Variants in ZNF385D observed in about 807,000 individuals in gnomAD.
ZNF385D encodes zinc finger protein 385D, also known as zinc finger protein 659.
Under a neutral mutation model 35.8 loss-of-function variants are expected in ZNF385D, and 15 were observed. That is an observed-to-expected ratio of 0.42 (90% CI 0.28 to 0.64). The LOEUF (loss-of-function observed/expected upper bound fraction) is 0.64. ZNF385D is among the 30% of genes least tolerant of loss of function. ZNF385D has a pLI of 0.23. For missense variants in ZNF385D, 474 were observed against 494.6 expected, an observed-to-expected ratio of 0.96 and a Z score of 0.39; for synonymous variants, 212 against 186.8, an observed-to-expected ratio of 1.13 and a Z score of -1.10.
chr3:22,219,317 G>A (rs1398259653), intron 2 of ZNF385D, among the ~76,000 whole-genome samples: 1 of 151,918 alleles, frequency 6.6e-6, no homozygotes, highest in African/African-American at 2.4e-5. Flanking sequence ...CCCCAACCCT[G>A]TTCTATGTAT....
In ZNF385D at chr3:21,696,508, T is replaced by C. The variant is rs531719468; in HGVS notation, c.23-31480A>G. ...TCATGTAGAAGCTGGCCCATATGAG[T>C]GAAACCCAGGCAGTAAATTCAGCTA... On this transcript the variant is annotated intron_variant, in intron 1 of 7. Transcript: ENST00000281523. 1.4e-4 allele frequency among the ~76,000 whole-genome samples: 21 copies of C among 152,262 alleles called. No individual in the cohort carries two copies. The South Asian group carries it at 3.9e-3, about 29-fold the overall frequency.
At chr3:21,991,679 G>A (rs1272672599) in intron 3 of ZNF385D, among the ~76,000 whole-genome samples, 1 of 152,084 alleles carries the variant, frequency 6.6e-6, no homozygotes, top group Admixed American at 6.6e-5. Context: ...TAAGAGCCTA[G>A]GAGGTAAAGG....
In ZNF385D at chr3:21,954,497, A is replaced by T. The variant is rs530245851; in HGVS notation, c.325+214320T>A. Among the ~76,000 whole-genome samples, 83 of 151,946 alleles carry T rather than the reference A, an allele frequency of 5.5e-4. 1 individual carries two copies. The highest frequency in any genetic ancestry group is 1.1e-3 in the Non-Finnish European group (72 of 67,980). On this transcript the variant is annotated intron_variant, in intron 3 of 5. Transcript: ENST00000494108. ...AACCTGGAGGTTTCTAAACTTTCTCATTTTGCAGCAATTTTAGTGTCTTAG... is the reference window on the plus strand; with the variant it reads ...AACCTGGAGGTTTCTAAACTTTCTCTTTTTGCAGCAATTTTAGTGTCTTAG...
At chr3:21,991,477 G>C (rs1005812468) in intron 3 of ZNF385D, among the ~76,000 whole-genome samples, 12 of 152,088 alleles carry the variant, frequency 7.9e-5, no homozygotes, top group African/African-American at 2.9e-4. Flanking sequence ...ATAAAACTGT[G>C]GTAATTATGC....
At chr3:21,738,195 C>T (rs2069340130) in intron 1 of ZNF385D, among the ~76,000 whole-genome samples, 2 of 152,166 alleles carry the variant, frequency 1.3e-5, no homozygotes, top group Non-Finnish European at 2.9e-5. Flanking sequence ...ACAACTGCTG[C>T]TCTATTGGAA....
chr3:22,221,983 C>T (rs147218137), intron 2 of ZNF385D, among the ~76,000 whole-genome samples: 133 of 151,766 alleles, frequency 8.8e-4, no homozygotes, highest in Middle Eastern at 3.4e-3. Context: ...TTAACCATTC[C>T]GATTTTTTTT....
chr3:21,765,216 G>C (rs1340863851), intron 3 of ZNF385D, among the ~76,000 whole-genome samples: 1 of 150,164 alleles, frequency 6.7e-6, no homozygotes, highest in Admixed American at 6.6e-5. Context: ...GTGTGTGTGT[G>C]TGAGAGAGAG....
chr3:21,567,215 G>T (rs2063179526), intron 2 of ZNF385D, among the ~76,000 whole-genome samples: 1 of 152,106 alleles, frequency 6.6e-6, no homozygotes, highest in African/African-American at 2.4e-5. Context: ...AATCAGTTAA[G>T]TGTCTTAATC....
intron 3 of ZNF385D, 35 bp downstream of exon 3, chr3:21,564,535 ATTTT>A: frequency 1.8e-6 from 2 of 1,130,026 alleles, no homozygotes; most frequent in Non-Finnish European, 2.4e-6. Context: ...AGCAAAATGT[ATTTT>A]TTTTTTTTAA....
chr3:22,070,157 T>G (rs1242350068), intron 3 of ZNF385D, among the ~76,000 whole-genome samples: 2 of 152,170 alleles, frequency 1.3e-5, no homozygotes, highest in African/African-American at 2.4e-5. Context: ...GATAAGCATC[T>G]TATTTTCTAA....
chr3:21,808,146 G>C (rs2072738051), intron 3 of ZNF385D, among the ~76,000 whole-genome samples: 1 of 152,074 alleles, frequency 6.6e-6, no homozygotes, highest in South Asian at 2.1e-4. Context: ...AGTGACACAG[G>C]ATAAGAAAAT....
intron 2 of ZNF385D, among the ~76,000 whole-genome samples, chr3:22,241,106 C>G (rs559598793): frequency 1.3e-5 from 2 of 151,040 alleles, no homozygotes; most frequent in East Asian, 3.9e-4. Context: ...TATGTTTGAT[C>G]GATAACTAAA....
chr3:21,708,994 A>C (rs552524610), intron 1 of ZNF385D, among the ~76,000 whole-genome samples: 2 of 152,292 alleles, frequency 1.3e-5, no homozygotes, highest in South Asian at 4.1e-4. Context: ...TCCATGGTAG[A>C]AGAAGCCACA....
chr3:22,009,628 AAAAAAT>A (rs1229698419), intron 3 of ZNF385D, among the ~76,000 whole-genome samples: 1,121 of 86,684 alleles, frequency 0.013, 6 homozygotes, highest in African/African-American at 0.094. Flanking sequence ...GTCTCAAAAA[AAAAAAT>A]AAAAAAAAAA....
At chr3:22,173,841 G>C (rs1576444957) in intron 2 of ZNF385D, among the ~76,000 whole-genome samples, 1 of 152,100 alleles carries the variant, frequency 6.6e-6, no homozygotes, top group East Asian at 1.9e-4. Context: ...ATTCAATTCA[G>C]AAAAGAAACG....
At chr3:22,096,720 C>T (rs1701654399) in intron 3 of ZNF385D, among the ~76,000 whole-genome samples, 1 of 152,038 alleles carries the variant, frequency 6.6e-6, no homozygotes, top group South Asian at 2.1e-4. Context: ...TATCATTCCC[C>T]ACGCTGTTCT....
At chr3:22,186,966 A>G (rs1409655665) in intron 2 of ZNF385D, among the ~76,000 whole-genome samples, 1 of 152,176 alleles carries the variant, frequency 6.6e-6, no homozygotes, top group Non-Finnish European at 1.5e-5. Flanking sequence ...AGGTACTGTA[A>G]TTATCCCCAA....
At chr3:22,272,462 A>T (rs923822305) in intron 2 of ZNF385D, among the ~76,000 whole-genome samples, 2 of 152,014 alleles carry the variant, frequency 1.3e-5, no homozygotes, top group African/African-American at 4.8e-5. Context: ...ACTGACCAAG[A>T]TTTAATCGTT....
At chr3:22,009,105 C>T (rs757939962) in intron 3 of ZNF385D, among the ~76,000 whole-genome samples, 9 of 152,168 alleles carry the variant, frequency 5.9e-5, no homozygotes, top group South Asian at 2.1e-4. Flanking sequence ...TTAGAGAGCA[C>T]ATTGTAATAT....
Sources: gnomAD v4.1 joint callset for allele counts (sites outside exome capture counted in the v4.1 genomes callset) on GRCh38, gnomAD v4.1.1 for gene constraint, MANE v1.5 for transcripts, NCBI Gene and HGNC (gene_info 2026-07-23, HGNC 2026-07-21) for gene names.